Variants in CRYGN observed in about 807,000 individuals in gnomAD.
CRYGN encodes crystallin gamma N.
In CRYGN, 17 loss-of-function variants were observed where a neutral mutation model predicts 19.2. The observed-to-expected ratio is 0.89, with a 90% CI of 0.61 to 1.33. The LOEUF is 1.33. CRYGN is among the 40% of genes most tolerant of loss of function. The pLI is 0.00. For synonymous variants in CRYGN, 84 were observed against 85.8 expected (o/e 0.98, Z 0.12); for missense variants, 239 against 239.6 (o/e 1.00, Z 0.02).
At chr7:151,432,041 G>T (rs776925868) in intron 3 of CRYGN, 1 of 455,640 alleles carries the variant, frequency 2.2e-6, no homozygotes, top group Non-Finnish European at 3.6e-6. Flanking sequence ...GAAGCCGCCC[G>T]TTGGCTTTGA....
In CRYGN at chr7:151,438,251, A is replaced by T. The variant is rs1226706545; in HGVS notation, c.22-7T>A. On this transcript the variant is annotated splice_region_variant and splice_polypyrimidine_tract_variant and intron_variant, in intron 1 of 3. Coordinates refer to ENST00000337323, the MANE Select transcript of CRYGN (RefSeq NM_144727.3). ...TGCCTTCATAGAGAGTGATCTAGAA[A>T]GGGCAGGTTACAGAGCTCAGGGTCA... 8 of 1,603,046 alleles carry T rather than the reference A, an allele frequency of 5.0e-6. No homozygotes were observed. The highest frequency in any genetic ancestry group is 6.8e-6 in the Non-Finnish European group (8 of 1,174,754).
intron 2 of CRYGN, 135 bp downstream of exon 2, chr7:151,437,861 G>A: frequency 6.5e-7 from 1 of 1,531,888 alleles, no homozygotes; most frequent in Non-Finnish European, 8.7e-7. Flanking sequence ...GGTGGCTCTG[G>A]GTATAGCTCC....
chr7:151,437,884 G>A, intron 2 of CRYGN, 112 bp downstream of exon 2: 1 of 1,568,840 alleles, frequency 6.4e-7, no homozygotes, highest in Non-Finnish European at 8.6e-7. Flanking sequence ...CAGTCTTACA[G>A]ACTTTAAAGC....
chr7:151,436,102 T>G lies in CRYGN; in HGVS notation c.416+78A>C. The G allele has an allele frequency of 8.5e-7, 1 of 1,176,512 alleles. No individual in the cohort carries two copies. The highest frequency in any genetic ancestry group is 1.1e-6 in the Non-Finnish European group (1 of 903,482). 72.9% of individuals were successfully genotyped at this position (1,176,512 alleles called of 1,614,324 possible). A position where few individuals can be genotyped will look rare whatever the true frequency, so the allele number is the denominator to read the frequency against. ...ATTCCCACCCCACCCACCACCCCTG[T>G]GTGGCGGGCAGCCTCCCACGCCTGG... On this transcript the variant is annotated intron_variant, in intron 3 of 3. Transcript: ENST00000337323. This position sits in a 1 kb window ranked among gnomAD's most constrained non-coding sequence, Gnocchi z 5.1.
chr7:151,432,286 C>T (rs1801489680), intron 3 of CRYGN: 1 of 1,231,222 alleles, frequency 8.1e-7, no homozygotes, highest in African/African-American at 1.5e-5. Context: ...CAGGACCCAC[C>T]TGGAGGCCAG....
rs1584828862 is a variant in CRYGN, at chr7:151,438,054, T to C, written c.212A>G (p.Asp71Gly). 6.2e-7 allele frequency: 1 copy of C among 1,613,928 alleles called. No individual in the cohort carries two copies. The highest frequency in any genetic ancestry group is 2.2e-5 in the East Asian group (1 of 44,870). The change falls in exon 2 of 4, where the codon GAC becomes GGC. Residue 71 changes from aspartate (D) to glycine (G), a missense_variant. Coordinates refer to ENST00000337323, the MANE Select transcript of CRYGN (RefSeq NM_144727.3). ...ACTGTGGCTGTTCCAGCGGAAGAAG[T>C]CGGGGTAGTCGCCGTGCTCCAAGAT... ...QFILEHGDYP[D>G]FFRWNSHSDH...
chr7:151,432,911 G>T (rs182129199), intron 3 of CRYGN, among the ~76,000 whole-genome samples: 90 of 152,280 alleles, frequency 5.9e-4, no homozygotes, highest in Middle Eastern at 3.4e-3. Flanking sequence ...CGTTCATTCA[G>T]TGAATGCCAG....
chr7:151,434,231 G>A (rs901701787), intron 3 of CRYGN, among the ~76,000 whole-genome samples: 43 of 152,188 alleles, frequency 2.8e-4, no homozygotes, highest in African/African-American at 8.0e-4. Flanking sequence ...AGGGACAGTG[G>A]GGATTGTGTG....
chr7:151,436,063 CT>C lies in CRYGN; in HGVS notation c.416+116del. 1.3e-6 allele frequency: 1 copy of C among 747,916 alleles called. No individual in the cohort carries two copies. Among genetic ancestry groups the C allele is most frequent in the Non-Finnish European group, 1.9e-6 (1 of 533,472 alleles). 46.3% of individuals were successfully genotyped at this position (747,916 alleles called of 1,614,324 possible). On this transcript the variant is annotated intron_variant, in intron 3 of 3. Coordinates refer to ENST00000337323, the MANE Select transcript of CRYGN (RefSeq NM_144727.3). This position sits in a 1 kb window ranked among gnomAD's most constrained non-coding sequence, Gnocchi z 5.1. Reference sequence around the variant, plus strand: ...TGTGGGGCCAGGGACACGCTGCCCACTGCTGGAGGTCTCATTCCCACCCCAC... The same window carrying C: ...TGTGGGGCCAGGGACACGCTGCCCACGCTGGAGGTCTCATTCCCACCCCAC...
chr7:151,437,153 G>A (rs1332377992), intron 2 of CRYGN, among the ~76,000 whole-genome samples: 2 of 152,220 alleles, frequency 1.3e-5, no homozygotes, highest in Non-Finnish European at 2.9e-5. Flanking sequence ...CCAAAGCCCA[G>A]CTGGTTTTGC....
intron 3 of CRYGN, chr7:151,432,404 CTG>C (rs1801493415): frequency 4.0e-6 from 2 of 504,072 alleles, no homozygotes; most frequent in Non-Finnish European, 6.2e-6. Context: ...CCCCTTCACT[CTG>C]GGCTACACGA....
At chr7:151,439,763 C>T (rs878921286) in intron 1 of CRYGN, 134 bp downstream of exon 1, 3 of 1,000,756 alleles carry the variant, frequency 3.0e-6, no homozygotes, top group Non-Finnish European at 4.2e-6. Context: ...GAGGCCACCC[C>T]ATTTTATTAA....
rs1801596499 is a variant in CRYGN, at chr7:151,436,058, G to A, written c.416+122C>T. 2 of 672,972 alleles carry A rather than the reference G, an allele frequency of 3.0e-6. No homozygotes were observed. Among genetic ancestry groups the A allele is most frequent in the Non-Finnish European group, 4.3e-6 (2 of 469,204 alleles). 41.7% of individuals were successfully genotyped at this position (672,972 alleles called of 1,614,324 possible). ...GGGCCTGTGGGGCCAGGGACACGCT[G>A]CCCACTGCTGGAGGTCTCATTCCCA... On this transcript the variant is annotated intron_variant, in intron 3 of 3. Coordinates refer to ENST00000337323, the MANE Select transcript of CRYGN (RefSeq NM_144727.3). The surrounding 1 kb of genome is among the most constrained non-coding windows in gnomAD (Gnocchi z 5.1).
At position 151,439,943 on chromosome 7, in the gene CRYGN, C is replaced by A. The variant is rs1164267246; in HGVS notation, c.-26G>T. The stretch of plus-strand genomic sequence containing the variant: ...GGTGCGCCCCGCCCCTTCCGCGGGT[C>A]CCCGTTTACACCGGGCAGCGCCCTG... On this transcript the variant is annotated 5_prime_UTR_variant, in exon 1 of 4. Transcript: ENST00000337323. The A allele has an allele frequency of 2.3e-5, 35 of 1,530,148 alleles. No homozygotes were observed. The Admixed American group carries it at 5.0e-4, about 22-fold the overall frequency. 94.8% of individuals were successfully genotyped at this position (1,530,148 alleles called of 1,614,324 possible).
chr7:151,436,460 C>T lies in CRYGN; in HGVS notation c.271-135G>A. On this transcript the variant is annotated intron_variant, in intron 2 of 3. Coordinates refer to ENST00000337323, the MANE Select transcript of CRYGN (RefSeq NM_144727.3). This position sits in a 1 kb window ranked among gnomAD's most constrained non-coding sequence, Gnocchi z 5.1. ...GCACCCCCACCCCACACACTTCAAC[C>T]CCACACTTCTGTTTGTTCTTCCACA... The T allele has an allele frequency of 4.8e-6, 3 of 625,364 alleles. No individual in the cohort carries two copies. Among genetic ancestry groups the T allele is most frequent in the Non-Finnish European group, 7.6e-6 (3 of 395,714 alleles). The allele number at this position is 625,364 out of a possible 1,614,324, so 38.7% of individuals were successfully genotyped here.
Position 151,436,266 on chromosome 7 carries a change from C to T in CRYGN, c.330G>A (p.Leu110=). 1 of 1,600,096 alleles carries T rather than the reference C, an allele frequency of 6.2e-7. No individual in the cohort carries two copies. Among genetic ancestry groups the T allele is most frequent in the Non-Finnish European group, 8.5e-7 (1 of 1,173,126 alleles). ...FEGCNFTGQC[L]EFLEDSPFLQ... is the part of the protein sequence containing the mutation. ...GGAAGGGGCTGTCCTCCAGGAACTC[C>T]AGGCACTGGCCCGTGAAGTTGCAAC... Residue 110 remains leucine (L), a synonymous_variant, in exon 3 of 4, where the codon CTG becomes CTA. Coordinates refer to ENST00000337323, the MANE Select transcript of CRYGN (RefSeq NM_144727.3). This position sits in a 1 kb window ranked among gnomAD's most constrained non-coding sequence, Gnocchi z 5.1.
chr7:151,434,089 CT>C (rs1360839013), intron 3 of CRYGN, among the ~76,000 whole-genome samples: 1 of 152,154 alleles, frequency 6.6e-6, no homozygotes, highest in African/African-American at 2.4e-5. Context: ...GCAGTGTCCC[CT>C]CCGGATCGAG....
Position 151,430,733 on chromosome 7 carries a change from G to A in CRYGN, c.417-553C>T, listed in dbSNP as rs1801445024. Among the ~76,000 whole-genome samples, 2 of 152,226 alleles carry A rather than the reference G, an allele frequency of 1.3e-5. No homozygotes were observed. The highest frequency in any genetic ancestry group is 4.8e-5 in the African/African-American group (2 of 41,464). On this transcript the variant is annotated intron_variant, in intron 3 of 3. Coordinates refer to ENST00000337323, the MANE Select transcript of CRYGN (RefSeq NM_144727.3). This position sits in a 1 kb window ranked among gnomAD's most constrained non-coding sequence, Gnocchi z 5.2. ...TCCTGAGCTGGGCGACCAGCCTAGA[G>A]GGGCTGATCCCCAGTCCAAACCCCT...
chr7:151,431,536 G>A lies in CRYGN; in HGVS notation c.417-1356C>T, dbSNP rs1801464129. 6.6e-6 allele frequency among the ~76,000 whole-genome samples: 1 copy of A among 152,114 alleles called. No individual in the cohort carries two copies. Among genetic ancestry groups the A allele is most frequent in the Non-Finnish European group, 1.5e-5 (1 of 68,000 alleles). On this transcript the variant is annotated intron_variant, in intron 3 of 3. Transcript: ENST00000337323. The surrounding 1 kb of genome is among the most constrained non-coding windows in gnomAD (Gnocchi z 4.8). Reference sequence around the variant, plus strand: ...TGGGTCTGCCAGCCCTACTGCTCCAGGGGCTATGGCTGCAGCAGACACGCC... The same window carrying A: ...TGGGTCTGCCAGCCCTACTGCTCCAAGGGCTATGGCTGCAGCAGACACGCC...
Sources: gnomAD v4.1 joint callset for allele counts (sites outside exome capture counted in the v4.1 genomes callset) on GRCh38, gnomAD v4.1.1 for gene constraint, Gnocchi (gnomAD v3.1) non-coding constraint, MANE v1.5 for transcripts, NCBI Gene and HGNC (gene_info 2026-07-23, HGNC 2026-07-21) for gene names.